The following CUL4A variants were observed in gnomAD, a reference collection of about 807,000 sequenced individuals.
CUL4A encodes cullin 4A.
A neutral mutation model predicts 95.5 loss-of-function variants in CUL4A; 16 were observed. The observed-to-expected ratio is 0.17, with a 90% CI of 0.11 to 0.25. The LOEUF is 0.25. CUL4A is among the 10% of genes least tolerant of loss of function. The pLI is 1.00. For missense variants in CUL4A, 610 were observed against 937.0 expected (o/e 0.65, Z 4.56); for synonymous variants, 380 against 353.1 (o/e 1.08, Z -0.85).
At chr13:113,256,937 T>TG (rs1227053604) in intron 18 of CUL4A, among the ~76,000 whole-genome samples, 2 of 137,950 alleles carry the variant, frequency 1.4e-5, no homozygotes, top group Non-Finnish European at 3.1e-5. Flanking sequence ...TTTTTTTTTT[T>TG]TTTTTTTTTT....
rs760052887 is a variant in CUL4A, at chr13:113,260,675, C to T, written c.2100C>T (p.Ile700=). 31 of 1,610,416 alleles carry T rather than the reference C, an allele frequency of 1.9e-5. No individual in the cohort carries two copies. In the South Asian group the frequency reaches 3.0e-4, roughly 15 times the overall value. ...QDRQYQIDAA[I]VRIMKMRKTL... is the part of the protein sequence containing the mutation. ...GACAATATCAGATTGATGCTGCTAT[C>T]GTCAGAATAATGAAGATGAGAAAGA... The change falls in exon 19 of 20, where the codon ATC becomes ATT. Residue 700 remains isoleucine (I), a synonymous_variant. Coordinates refer to ENST00000375440, the MANE Select transcript of CUL4A (RefSeq NM_001008895.4).
chr13:113,240,676 T>C (rs905402981), intron 10 of CUL4A, among the ~76,000 whole-genome samples: 3 of 152,010 alleles, frequency 2.0e-5, no homozygotes, highest in Non-Finnish European at 4.4e-5. Context: ...AATTTAGAAA[T>C]GGAGGATAGA....
chr13:113,238,035 T>C (rs1469944697), intron 9 of CUL4A, among the ~76,000 whole-genome samples: 1 of 152,188 alleles, frequency 6.6e-6, no homozygotes, highest in East Asian at 1.9e-4. Flanking sequence ...TCCAATCTGG[T>C]TATGATGTTT....
intron 15 of CUL4A, among the ~76,000 whole-genome samples, chr13:113,249,009 C>T (rs1429563876): frequency 6.6e-6 from 1 of 152,122 alleles, no homozygotes; most frequent in East Asian, 1.9e-4. Context: ...AGCTGTCACC[C>T]CTGTCGATTC....
chr13:113,257,841 T>G (rs1173896815), intron 18 of CUL4A, among the ~76,000 whole-genome samples: 1 of 152,252 alleles, frequency 6.6e-6, no homozygotes, highest in African/African-American at 2.4e-5. Flanking sequence ...GAAATTATTT[T>G]AGTATCTGAA....
At chr13:113,236,946 G>C in intron 9 of CUL4A, 56 bp downstream of exon 9, 5 of 1,175,728 alleles carry the variant, frequency 4.3e-6, no homozygotes, top group Non-Finnish European at 6.3e-6. Context: ...TAGTTCATTA[G>C]GAAAGTAAAG....
At chr13:113,252,489 A>AGGATC (rs1411346726) in intron 15 of CUL4A, among the ~76,000 whole-genome samples, 4 of 151,438 alleles carry the variant, frequency 2.6e-5, no homozygotes, top group African/African-American at 9.8e-5. Flanking sequence ...GCAGTAAGCT[A>AGGATC]GGATCACACC....
chr13:113,262,014 G>A (rs574119508), intron 19 of CUL4A, among the ~76,000 whole-genome samples: 7 of 152,280 alleles, frequency 4.6e-5, no homozygotes, highest in South Asian at 4.1e-4. Context: ...TCCTGACCTC[G>A]TGATCCGCCT....
intron 3 of CUL4A, among the ~76,000 whole-genome samples, chr13:113,227,027 A>C (rs2041130481): frequency 6.6e-6 from 1 of 151,996 alleles, no homozygotes; most frequent in Admixed American, 6.6e-5. Context: ...CAGGGACTTG[A>C]AGGTGTCTGG....
At chr13:113,214,835 C>T (rs896828629) in intron 2 of CUL4A, among the ~76,000 whole-genome samples, 1 of 152,118 alleles carries the variant, frequency 6.6e-6, no homozygotes, top group African/African-American at 2.4e-5. Flanking sequence ...CCTCCACAGC[C>T]ACACAGGTCT....
intron 11 of CUL4A, 33 bp downstream of exon 11, chr13:113,243,193 T>A: frequency 6.4e-7 from 1 of 1,567,270 alleles, no homozygotes; most frequent in Non-Finnish European, 8.7e-7. Flanking sequence ...TGTTTGTTTG[T>A]TTTTGAGACA....
At position 113,209,749 on chromosome 13, in the gene CUL4A, A is replaced by G; in HGVS notation, c.122A>G (p.Lys41Arg). Residue 41 changes from lysine to arginine, a missense_variant, in exon 1 of 20, where the codon AAG becomes AGG. Physicochemically the swap from Lys to Arg is conservative, Grantham distance 26. Around this residue, in one of 10 missense-constraint regions of CUL4A, gnomAD observed 168 missense variants for 185.5 expected, o/e 0.91. Transcript: ENST00000375440. Reference sequence around the variant, plus strand: ...AAGCCGGGGGGCGCGGGCGGCTCCAAGAAGCTGGTCATCAAGAACTTCCGA... The same window carrying G: ...AAGCCGGGGGGCGCGGGCGGCTCCAGGAAGCTGGTCATCAAGAACTTCCGA... ...PAKPGGAGGS[K>R]KLVIKNFRDR... 1 of 1,173,740 alleles carries G rather than the reference A, an allele frequency of 8.5e-7. No individual in the cohort carries two copies. The highest frequency in any genetic ancestry group is 1.1e-6 in the Non-Finnish European group (1 of 950,592). The allele number at this position is 1,173,740 out of a possible 1,614,324, so 72.7% of individuals were successfully genotyped here.
At chr13:113,261,233 G>A (rs1871414509) in intron 19 of CUL4A, among the ~76,000 whole-genome samples, 1 of 152,178 alleles carries the variant, frequency 6.6e-6, no homozygotes. Context: ...GAGATTTACT[G>A]TCCTGCCACG....
intron 3 of CUL4A, among the ~76,000 whole-genome samples, chr13:113,226,096 G>A (rs569678441): frequency 6.6e-6 from 1 of 152,254 alleles, no homozygotes; most frequent in South Asian, 2.1e-4. Flanking sequence ...TTCCTCCTCA[G>A]GCTCTGCCTG....
At chr13:113,210,528 A>G (rs1389939485) in intron 2 of CUL4A, among the ~76,000 whole-genome samples, 1 of 152,200 alleles carries the variant, frequency 6.6e-6, no homozygotes, top group Non-Finnish European at 1.5e-5. Context: ...ATTCAGAAAA[A>G]GTGGTTTTGT....
In CUL4A at chr13:113,262,538, A is replaced by G. The variant is rs149072137; in HGVS notation, c.2185-949A>G. 3.2e-3 allele frequency among the ~76,000 whole-genome samples: 494 copies of G among 152,288 alleles called. 2 individuals carry two copies. The highest frequency in any genetic ancestry group is 0.012 in the African/African-American group (479 of 41,558). On this transcript the variant is annotated intron_variant, in intron 19 of 19. Coordinates refer to ENST00000375440, the MANE Select transcript of CUL4A (RefSeq NM_001008895.4). The stretch of plus-strand genomic sequence containing the variant: ...TGGTGTGCAGCCTGTGATCCCAGCT[A>G]CTGGGGAGGCTGAAGCACGAAGATT...
rs1374243116 is a variant in CUL4A at position 113,246,020 on chromosome 13, A to T, written c.1595A>T (p.Tyr532Phe). ...ACAGTGAACATACTCACAATGGGCT[A>T]CTGGCCAACATACACGCCCATGGAA... is the stretch of plus-strand genomic sequence containing the variant. The part of the protein sequence containing the change: ...DLTVNILTMG[Y>F]WPTYTPMEVH... The change falls in exon 15 of 20, where the codon TAC becomes TTC. Residue 532 changes from tyrosine to phenylalanine, a missense_variant. Transcript: ENST00000375440. 6.2e-7 allele frequency: 1 copy of T among 1,613,972 alleles called. No individual in the cohort carries two copies. Among genetic ancestry groups the T allele is most frequent in the Non-Finnish European group, 8.5e-7 (1 of 1,180,028 alleles).
At position 113,227,976 on chromosome 13, in the gene CUL4A, A is replaced by G; in HGVS notation, c.369A>G (p.Glu123=). 1 of 1,603,716 alleles carries G rather than the reference A, an allele frequency of 6.2e-7. No individual in the cohort carries two copies. ...HVQAQILPFR[E]DSLDSVLFLK... is the part of the protein sequence containing the mutation. ...AAAGTTTTCCTTAGCAGATCTGTAC[A>G]GACTCACTAGATAGTGTTTTATTTT... The change falls in exon 4 of 20, where the codon GAA becomes GAG. Residue 123 remains glutamate (E), a splice_region_variant and synonymous_variant. Coordinates refer to ENST00000375440, the MANE Select transcript of CUL4A (RefSeq NM_001008895.4).
At chr13:113,208,987 G>A (rs2040196874), upstream of CUL4A, 12 of 1,018,682 alleles carry the variant, frequency 1.2e-5, no homozygotes, top group Admixed American at 1.1e-4. Context: ...ACCAGGCCGC[G>A]GAGGACCCTC....
Sources: gnomAD v4.1 joint callset for allele counts (sites outside exome capture counted in the v4.1 genomes callset) on GRCh38, gnomAD v4.1.1 for gene constraint, gnomAD v4.1.1 regional missense constraint, MANE v1.5 for transcripts, NCBI Gene and HGNC (gene_info 2026-07-23, HGNC 2026-07-21) for gene names.